The following UBE2E2 variants were observed in gnomAD, a reference collection of about 807,000 sequenced individuals.
The protein encoded by UBE2E2 is ubiquitin conjugating enzyme E2 E2.
Under a neutral mutation model 24.7 loss-of-function variants are expected in UBE2E2, and 6 were observed. The observed-to-expected ratio is 0.24, with a 90% CI of 0.13 to 0.48. The LOEUF is 0.48. Ranked by LOEUF, UBE2E2 falls within the 20% of genes least tolerant of loss-of-function variation. The pLI is 0.99. For synonymous variants in UBE2E2, 104 were observed against 83.6 expected (o/e 1.24, Z -1.33); for missense variants, 169 against 245.0 (o/e 0.69, Z 2.07).
intron 4 of UBE2E2, among the ~76,000 whole-genome samples, chr3:23,525,074 C>T (rs1428274410): frequency 6.6e-6 from 1 of 152,114 alleles, no homozygotes. Flanking sequence ...CCTTTTTCAG[C>T]TTCTAGAGGC....
At chr3:23,244,728 G>A (rs1018855124) in intron 3 of UBE2E2, among the ~76,000 whole-genome samples, 2 of 152,058 alleles carry the variant, frequency 1.3e-5, no homozygotes, top group Admixed American at 1.3e-4. Context: ...TATTTCTGTT[G>A]CATTTTTATA....
At chr3:23,274,703 T>C (rs1318057380) in intron 3 of UBE2E2, among the ~76,000 whole-genome samples, 1 of 152,148 alleles carries the variant, frequency 6.6e-6, no homozygotes, top group Non-Finnish European at 1.5e-5. Flanking sequence ...TTCCTTCATA[T>C]GTGTGTTCCA....
chr3:23,347,346 A>G (rs1204484487), intron 3 of UBE2E2, among the ~76,000 whole-genome samples: 1 of 152,234 alleles, frequency 6.6e-6, no homozygotes, highest in African/African-American at 2.4e-5. Flanking sequence ...AATGTGGCAC[A>G]TATACACCAC....
chr3:23,257,529 A>T (rs1469442817), intron 3 of UBE2E2, among the ~76,000 whole-genome samples: 53 of 11,018 alleles, frequency 4.8e-3, no homozygotes, highest in South Asian at 0.012. Flanking sequence ...CCCCCCCCCC[A>T]CTTTTTTTTT....
At position 23,539,382 on chromosome 3, in the gene UBE2E2, T is replaced by C. The variant is rs527264162; in HGVS notation, c.508+6681T>C. Reference sequence around the variant, plus strand: ...ATAGGTTTGATTCTTTTAAAGATGGTTAAAACTAGACTTTACCATATTTGC... The same window carrying C: ...ATAGGTTTGATTCTTTTAAAGATGGCTAAAACTAGACTTTACCATATTTGC... On this transcript the variant is annotated intron_variant, in intron 5 of 5. Transcript: ENST00000396703. 2.6e-5 allele frequency among the ~76,000 whole-genome samples: 4 copies of C among 152,342 alleles called. No individual in the cohort carries two copies. The South Asian group carries it at 8.3e-4, about 32-fold the overall frequency.
chr3:23,577,358 A>T (rs1423507842), intron 5 of UBE2E2, among the ~76,000 whole-genome samples: 4 of 151,742 alleles, frequency 2.6e-5, no homozygotes, highest in Non-Finnish European at 5.9e-5. Context: ...ACACACCCTT[A>T]TTGCTGATAG....
intron 3 of UBE2E2, among the ~76,000 whole-genome samples, chr3:23,468,522 C>G (rs138137782): frequency 6.6e-6 from 1 of 152,094 alleles, no homozygotes; most frequent in South Asian, 2.1e-4. Flanking sequence ...TATACTATAT[C>G]GAGTACAATA....
chr3:23,379,941 A>G (rs1245522878), intron 3 of UBE2E2, among the ~76,000 whole-genome samples: 6 of 152,120 alleles, frequency 3.9e-5, no homozygotes, highest in African/African-American at 1.4e-4. Flanking sequence ...TAAGTTTGGA[A>G]AAGTGAGAAG....
rs1028206938 is a variant in UBE2E2 at position 23,279,101 on chromosome 3, TTTG to T, written c.227+61797_227+61799del. On this transcript the variant is annotated intron_variant, in intron 3 of 5. Transcript: ENST00000396703. ...AATAATCTTACCATGTAACTTATTT[TTTG>T]TTGTTGTAATAAACATGGTTTTAAA... Among the ~76,000 whole-genome samples, 14 of 152,174 alleles carry T rather than the reference TTTG, an allele frequency of 9.2e-5. 1 individual carries two copies. The highest frequency in any genetic ancestry group is 3.4e-4 in the African/African-American group (14 of 41,452).
chr3:23,373,721 C>T (rs1222938192), intron 3 of UBE2E2, among the ~76,000 whole-genome samples: 1 of 152,056 alleles, frequency 6.6e-6, no homozygotes, highest in Non-Finnish European at 1.5e-5. Context: ...TACATCCTGG[C>T]TTGTACTGGA....
intron 3 of UBE2E2, among the ~76,000 whole-genome samples, chr3:23,381,855 C>A (rs145328352): frequency 5.9e-5 from 9 of 152,102 alleles, no homozygotes; most frequent in Middle Eastern, 3.4e-3. Flanking sequence ...ATGCTGTTTC[C>A]CAGTGTTTGA....
At chr3:23,562,572 T>C (rs1489386573) in intron 5 of UBE2E2, among the ~76,000 whole-genome samples, 2 of 152,346 alleles carry the variant, frequency 1.3e-5, no homozygotes, top group East Asian at 1.9e-4. Context: ...ATCAGGATGA[T>C]GCTGGCCTCA....
intron 3 of UBE2E2, among the ~76,000 whole-genome samples, chr3:23,380,105 C>G (rs926378594): frequency 8.6e-6 from 1 of 116,196 alleles, no homozygotes; most frequent in Non-Finnish European, 1.9e-5. Context: ...AAAAAAAAAA[C>G]CCTGAAATTG....
At chr3:23,487,595 T>G (rs990974736) in intron 3 of UBE2E2, among the ~76,000 whole-genome samples, 1 of 152,190 alleles carries the variant, frequency 6.6e-6, no homozygotes, top group Non-Finnish European at 1.5e-5. Flanking sequence ...CTAGGCACCT[T>G]ACATATATTA....
chr3:23,484,469 C>G (rs1158544835), intron 3 of UBE2E2, among the ~76,000 whole-genome samples: 1 of 152,026 alleles, frequency 6.6e-6, no homozygotes, highest in Non-Finnish European at 1.5e-5. Context: ...ACAGGGTTCC[C>G]ATAGCATCTT....
chr3:23,380,657 C>CT (rs1696646455), intron 3 of UBE2E2, among the ~76,000 whole-genome samples: 1 of 152,096 alleles, frequency 6.6e-6, no homozygotes, highest in South Asian at 2.1e-4. Context: ...CTGTTTTTAC[C>CT]TTTCGTGTTC....
intron 3 of UBE2E2, among the ~76,000 whole-genome samples, chr3:23,482,180 C>T (rs762152118): frequency 6.6e-6 from 1 of 152,154 alleles, no homozygotes. Context: ...GTTTCTAGAG[C>T]CTTTCATTTG....
intron 3 of UBE2E2, among the ~76,000 whole-genome samples, chr3:23,479,288 G>T (rs767853953): frequency 1.3e-4 from 20 of 152,218 alleles, no homozygotes; most frequent in Non-Finnish European, 2.6e-4. Context: ...GCCAGCTGCT[G>T]TGGTGGGGCA....
chr3:23,514,054 C>G (rs912174604), intron 4 of UBE2E2, among the ~76,000 whole-genome samples: 1 of 152,218 alleles, frequency 6.6e-6, no homozygotes, highest in Non-Finnish European at 1.5e-5. Context: ...CTTTGTCTTA[C>G]AAGGCCCTAC....
Sources: gnomAD v4.1 joint callset for allele counts (sites outside exome capture counted in the v4.1 genomes callset) on GRCh38, gnomAD v4.1.1 for gene constraint, MANE v1.5 for transcripts, NCBI Gene and HGNC (gene_info 2026-07-23, HGNC 2026-07-21) for gene names.